TRPA1: variants seen among roughly 807,000 people sequenced by gnomAD.
TRPA1 encodes ankyrin-like with transmembrane domains 1.
Under a neutral mutation model 131.3 loss-of-function variants are expected in TRPA1, and 129 were observed. That is an observed-to-expected ratio of 0.98 (90% CI 0.85 to 1.14). The LOEUF (loss-of-function observed/expected upper bound fraction) is 1.14. TRPA1 is among the 50% of genes most tolerant of loss of function. TRPA1 has a pLI of 0.00. For missense variants in TRPA1, 1,304 were observed against 1,354.2 expected, an observed-to-expected ratio of 0.96 and a Z score of 0.58; for synonymous variants, 441 against 451.7, an observed-to-expected ratio of 0.98 and a Z score of 0.30.
Position 72,056,974 on chromosome 8 carries a change from C to A in TRPA1, c.1137G>T (p.Leu379=). The change falls in exon 10 of 27, where the codon CTG becomes CTT. Residue 379 remains leucine (L), a synonymous_variant. Coordinates refer to ENST00000262209, the MANE Select transcript of TRPA1 (RefSeq NM_007332.3). ...DIKDNFGRNF[L]HLTVQQPYGL... The stretch of plus-strand genomic sequence containing the variant: ...CATAAGGTTGCTGTACAGTTAAATG[C>A]AGAAAATTACGTCCAAAATTATCTT... 2 of 1,609,420 alleles carry A rather than the reference C, an allele frequency of 1.2e-6. No individual in the cohort carries two copies. The highest frequency in any genetic ancestry group is 8.5e-7 in the Non-Finnish European group (1 of 1,178,044).
In TRPA1 at chr8:72,029,975, G is replaced by A. The variant is rs3824151; in HGVS notation, c.2869-6C>T. 6.2e-7 allele frequency: 1 copy of A among 1,612,958 alleles called. No homozygotes were observed. The highest frequency in any genetic ancestry group is 8.5e-7 in the Non-Finnish European group (1 of 1,179,170). On this transcript the variant is annotated splice_polypyrimidine_tract_variant and splice_region_variant and intron_variant, in intron 23 of 26. Coordinates refer to ENST00000262209, the MANE Select transcript of TRPA1 (RefSeq NM_007332.3). The stretch of plus-strand genomic sequence containing the variant: ...TCGCCAACTGCCAAACCAATCTGAA[G>A]TATGACACAAAATTAAATCACTACA...
At chr8:72,075,276 A>G in intron 1 of TRPA1, 23 bp downstream of exon 1, 1 of 1,592,938 alleles carries the variant, frequency 6.3e-7, no homozygotes, top group Non-Finnish European at 8.6e-7. Flanking sequence ...GAACCCCTCC[A>G]GACCCGCGAG....
At chr8:72,070,005 CCA>C (rs1806022173) in intron 2 of TRPA1, among the ~76,000 whole-genome samples, 2 of 152,192 alleles carry the variant, frequency 1.3e-5, no homozygotes, top group Admixed American at 6.5e-5. Context: ...CAAGTGGTTT[CCA>C]CATATTTCTG....
intron 22 of TRPA1, 98 bp from the exon 23 acceptor site, chr8:72,033,924 T>A: frequency 8.2e-7 from 1 of 1,224,008 alleles, no homozygotes; most frequent in South Asian, 1.3e-5. Flanking sequence ...TCAGAATACT[T>A]TTTTAAAGTC....
At chr8:72,082,130 T>G in the TRPA1 span, among the ~76,000 whole-genome samples, 1 of 151,994 alleles carries the variant, frequency 6.6e-6, no homozygotes, top group African/African-American at 2.4e-5. Flanking sequence ...ATTGTTTGGA[T>G]GTTTTCAGGT....
intron 23 of TRPA1, among the ~76,000 whole-genome samples, chr8:72,032,533 C>T (rs993973872): frequency 1.3e-5 from 2 of 152,212 alleles, no homozygotes; most frequent in African/African-American, 4.8e-5. Context: ...TAACATTAGT[C>T]TTGGCTCTGT....
Position 72,053,823 on chromosome 8 carries a change from C to T in TRPA1, c.1574G>A (p.Gly525Glu), listed in dbSNP as rs748535498. 1.6e-5 allele frequency: 26 copies of T among 1,612,142 alleles called. No homozygotes were observed. The South Asian group carries it at 2.7e-4, about 17-fold the overall frequency. ...AATGACCTTCATGGTCTGAGTGTAC[C>T]CGCCCATGGACGCATGATGCAAAGC... is the stretch of plus-strand genomic sequence containing the variant. ...WTALHHASMG[G>E]YTQTMKVILD... The change falls in exon 13 of 27, where the codon GGG (glycine) becomes GAG (glutamate). Residue 525 changes from glycine (G) to glutamate (E), a missense_variant. Gly to Glu is a moderately conservative substitution (Grantham distance 98). Coordinates refer to ENST00000262209, the MANE Select transcript of TRPA1 (RefSeq NM_007332.3).
chr8:72,077,278 G>C (rs1359624622), upstream of TRPA1, among the ~76,000 whole-genome samples: 1 of 79,618 alleles, frequency 1.3e-5, no homozygotes, highest in Admixed American at 1.3e-4. Flanking sequence ...GAGAGACAGG[G>C]GGTGACAGGG....
chr8:72,035,994 G>T, intron 21 of TRPA1, among the ~76,000 whole-genome samples: 1 of 88,434 alleles, frequency 1.1e-5, no homozygotes, highest in Admixed American at 1.8e-4. Flanking sequence ...ATACAAGACA[G>T]TCCCCCTCCA....
the TRPA1 span, among the ~76,000 whole-genome samples, chr8:72,088,366 C>CTTTTTTTTT: frequency 7.4e-5 from 6 of 81,214 alleles, no homozygotes; most frequent in Non-Finnish European, 7.2e-5. Flanking sequence ...TCTTTGAAAA[C>CTTTTTTTTT]TTTTTTTTTT....
intron 8 of TRPA1, 24 bp from the exon 9 acceptor site, chr8:72,057,840 A>T (rs1805711159): frequency 6.5e-7 from 1 of 1,535,750 alleles, no homozygotes; most frequent in Non-Finnish European, 9.0e-7. Context: ...AAACCATTCA[A>T]CAAAGAGCTT....
chr8:72,023,579 A>G, intron 26 of TRPA1: 1 of 467,884 alleles, frequency 2.1e-6, no homozygotes, highest in Non-Finnish European at 3.8e-6. Context: ...AAAGGAAATC[A>G]GCATTTTAAT....
chr8:72,038,159 TTC>T (rs1316557233), intron 19 of TRPA1, 87 bp from the exon 20 acceptor site: 40 of 770,806 alleles, frequency 5.2e-5, no homozygotes, highest in Non-Finnish European at 7.6e-5. Flanking sequence ...AATTTCTTTT[TTC>T]TTTTTTTTTT....
intron 25 of TRPA1, among the ~76,000 whole-genome samples, chr8:72,024,743 T>G (rs61267117): frequency 0.48 from 73,540 of 151,924 alleles, 18,225 homozygotes; most frequent in East Asian, 0.77. Flanking sequence ...GGATACAGGG[T>G]CCGGGAACTG....
In TRPA1 at chr8:72,071,808, T is replaced by C. The variant is rs774361461; in HGVS notation, c.171A>G (p.Lys57=). ...LQNFNKQKKL[K]RCDDMDTFFL... ...AGAAGGTGTCCATATCGTCACATCT[T>C]TTTAATTTCTTTTGCTTATTAAAGT... Residue 57 remains lysine (K), a synonymous_variant, in exon 2 of 27, where the codon AAA becomes AAG. Transcript: ENST00000262209. 3 of 1,613,148 alleles carry C rather than the reference T, an allele frequency of 1.9e-6. No individual in the cohort carries two copies. The highest frequency in any genetic ancestry group is 2.7e-5 in the African/African-American group (2 of 75,026).
Position 72,065,444 on chromosome 8 carries a change from T to C in TRPA1, c.552+7A>G. 6.2e-7 allele frequency: 1 copy of C among 1,609,414 alleles called. No homozygotes were observed. The highest frequency in any genetic ancestry group is 8.5e-7 in the Non-Finnish European group (1 of 1,176,208). On this transcript the variant is annotated splice_region_variant and intron_variant, in intron 4 of 26. Transcript: ENST00000262209. Reference sequence around the variant, plus strand: ...AGAAAGCAGACAGATATGACAAATATACAAACCAAAATCTGCAATGCTTCG... The same window carrying C: ...AGAAAGCAGACAGATATGACAAATACACAAACCAAAATCTGCAATGCTTCG...
upstream of TRPA1, chr8:72,075,600 C>T: frequency 1.7e-6 from 1 of 604,250 alleles, no homozygotes. Flanking sequence ...GTTCTCAGGC[C>T]CGCGCTACTT....
chr8:72,029,642 T>C lies in TRPA1; in HGVS notation c.2937+259A>G. 5.2e-6 allele frequency: 3 copies of C among 571,992 alleles called. No homozygotes were observed. In the South Asian group the frequency reaches 6.3e-5, roughly 12 times the overall value. The allele number at this position is 571,992 out of a possible 1,614,324, so 35.4% of individuals were successfully genotyped here. On this transcript the variant is annotated intron_variant, in intron 24 of 26. Coordinates refer to ENST00000262209, the MANE Select transcript of TRPA1 (RefSeq NM_007332.3). ...ATGCATATTCAGTAGAATCTGTACTTCAAATTTTAAACTTTGATCTGTTCT... is the reference window on the plus strand; with the variant it reads ...ATGCATATTCAGTAGAATCTGTACTCCAAATTTTAAACTTTGATCTGTTCT...
intron 17 of TRPA1, 56 bp downstream of exon 17, chr8:72,046,456 TA>T (rs11349767): frequency 0.25 from 194,311 of 765,536 alleles, 1,721 homozygotes; most frequent in Middle Eastern, 0.3. Context: ...TAAAGTATAA[TA>T]AAAAAAAAAA....
Sources: allele counts gnomAD v4.1 joint callset (sites outside exome capture counted in the v4.1 genomes callset), GRCh38; gene constraint gnomAD v4.1.1; transcripts MANE v1.5; gene names NCBI Gene and HGNC (gene_info 2026-07-23, HGNC 2026-07-21).